Variants in CCDC192 observed in about 807,000 individuals in gnomAD.
CCDC192 encodes coiled-coil domain containing 192.
chr5:127,840,608 AT>A (rs1750239026), intron 5 of CCDC192, among the ~76,000 whole-genome samples: 2 of 86,692 alleles, frequency 2.3e-5, no homozygotes, highest in Admixed American at 2.2e-4. Context: ...TAAATTATTA[AT>A]TAATTTATTA....
chr5:127,924,630 A>G (rs1484543453), intron 6 of CCDC192, among the ~76,000 whole-genome samples: 6 of 152,236 alleles, frequency 3.9e-5, no homozygotes, highest in Non-Finnish European at 8.8e-5. Flanking sequence ...ATGGGACAAG[A>G]CTTCCATGGA....
chr5:127,844,962 C>T (rs548965360), intron 5 of CCDC192, among the ~76,000 whole-genome samples: 6 of 152,242 alleles, frequency 3.9e-5, no homozygotes, highest in South Asian at 4.1e-4. Context: ...AACCAAAGGG[C>T]GCCACCCTTC....
intron 3 of CCDC192, among the ~76,000 whole-genome samples, chr5:127,755,221 T>A (rs1754507135): frequency 1.3e-5 from 2 of 152,112 alleles, no homozygotes; most frequent in African/African-American, 2.4e-5. Context: ...AAAAGTATAT[T>A]TTAGATACAT....
At chr5:127,736,450 G>T (rs1354820781) in intron 2 of CCDC192, among the ~76,000 whole-genome samples, 5 of 151,858 alleles carry the variant, frequency 3.3e-5, no homozygotes, top group Non-Finnish European at 7.4e-5. Context: ...TCATAAAAAG[G>T]GTTAGGGAGG....
intron 2 of CCDC192, among the ~76,000 whole-genome samples, chr5:127,751,994 G>A (rs1156328944): frequency 6.6e-6 from 1 of 151,742 alleles, no homozygotes; most frequent in South Asian, 2.1e-4. Flanking sequence ...CTCTGTATTG[G>A]TTATTCTAGT....
chr5:127,790,861 GTTTA>G (rs1756829082), intron 3 of CCDC192, among the ~76,000 whole-genome samples: 1 of 152,178 alleles, frequency 6.6e-6, no homozygotes, highest in South Asian at 2.1e-4. Context: ...CTTTTTAAAT[GTTTA>G]TTTATTAATA....
chr5:127,922,649 G>A (rs1292573661), intron 6 of CCDC192, among the ~76,000 whole-genome samples: 1 of 152,216 alleles, frequency 6.6e-6, no homozygotes, highest in African/African-American at 2.4e-5. Context: ...GCTGAAGTAC[G>A]AGGATCACTT....
At chr5:127,840,823 A>G (rs183727275) in intron 5 of CCDC192, among the ~76,000 whole-genome samples, 426 of 152,356 alleles carry the variant, frequency 2.8e-3, no homozygotes, top group African/African-American at 9.6e-3. Context: ...GGTTAAATCT[A>G]TCATGTTTTT....
At chr5:127,773,691 T>C (rs1755690046) in intron 3 of CCDC192, among the ~76,000 whole-genome samples, 1 of 152,238 alleles carries the variant, frequency 6.6e-6, no homozygotes, top group Non-Finnish European at 1.5e-5. Context: ...TGATGGACAT[T>C]TGGTTTCCAA....
At chr5:127,876,510 C>T (rs1313682535) in intron 6 of CCDC192, among the ~76,000 whole-genome samples, 1 of 152,174 alleles carries the variant, frequency 6.6e-6, no homozygotes, top group Non-Finnish European at 1.5e-5. Context: ...GTGTGCCTTT[C>T]CCAGCTTTGG....
intron 5 of CCDC192, among the ~76,000 whole-genome samples, chr5:127,855,120 G>A (rs1252556202): frequency 6.6e-6 from 1 of 152,148 alleles, no homozygotes; most frequent in African/African-American, 2.4e-5. Context: ...GGTGGTGGAT[G>A]TTTGCTGCAC....
In CCDC192 at chr5:127,725,911, G is replaced by C. The variant is rs376867592; in HGVS notation, c.114+18151G>C. 1.4e-4 allele frequency among the ~76,000 whole-genome samples: 21 copies of C among 152,160 alleles called. No individual in the cohort carries two copies. The South Asian group carries it at 2.3e-3, about 17-fold the overall frequency. On this transcript the variant is annotated intron_variant, in intron 2 of 6. Transcript: ENST00000514853. ...TTGGCAACACAGTATAAAATTGAAA[G>C]ATTATTATTAATTTCACTATTGTAT...
intron 6 of CCDC192, among the ~76,000 whole-genome samples, chr5:127,924,629 G>C: frequency 6.6e-6 from 1 of 152,226 alleles, no homozygotes; most frequent in African/African-American, 2.4e-5. Flanking sequence ...AATGGGACAA[G>C]ACTTCCATGG....
At chr5:127,861,060 A>G (rs982141196) in intron 5 of CCDC192, among the ~76,000 whole-genome samples, 1 of 151,996 alleles carries the variant, frequency 6.6e-6, no homozygotes, top group Non-Finnish European at 1.5e-5. Flanking sequence ...CCAGCCTGGA[A>G]TGCAATGGCG....
At chr5:127,933,709 A>G (rs1478800418) in intron 6 of CCDC192, among the ~76,000 whole-genome samples, 4 of 152,274 alleles carry the variant, frequency 2.6e-5, no homozygotes, top group African/African-American at 9.6e-5. Flanking sequence ...GTATGTTGAC[A>G]TCCAATCCCC....
intron 3 of CCDC192, chr5:127,786,793 G>T: frequency 1.6e-6 from 1 of 609,898 alleles, no homozygotes; most frequent in Non-Finnish European, 3.1e-6. Flanking sequence ...TATAATTCCA[G>T]GCCAATGTAC....
chr5:127,912,409 C>T (rs1475373699), intron 6 of CCDC192, among the ~76,000 whole-genome samples: 2 of 36,258 alleles, frequency 5.5e-5, no homozygotes, highest in African/African-American at 3.0e-4. Flanking sequence ...GAATAGATTC[C>T]TGGGTTTAGC....
At chr5:127,801,888 A>G (rs936066855) in intron 5 of CCDC192, among the ~76,000 whole-genome samples, 8 of 152,192 alleles carry the variant, frequency 5.3e-5, no homozygotes, top group Admixed American at 2.0e-4. Flanking sequence ...ACACAGAAGC[A>G]AAGTAAAGAC....
At chr5:127,885,010 C>T (rs1406404780) in intron 6 of CCDC192, among the ~76,000 whole-genome samples, 1 of 152,132 alleles carries the variant, frequency 6.6e-6, no homozygotes, top group Non-Finnish European at 1.5e-5. Context: ...TCAAGGTCCC[C>T]TCCCTCCTTT....
Sources: gnomAD v4.1 joint callset for allele counts (sites outside exome capture counted in the v4.1 genomes callset) on GRCh38, gnomAD v4.1.1 for gene constraint, MANE v1.5 for transcripts, NCBI Gene and HGNC (gene_info 2026-07-23, HGNC 2026-07-21) for gene names.